LTBP1: variants seen among roughly 807,000 people sequenced by gnomAD.
LTBP1 encodes latent-transforming growth factor beta-binding protein 1.
A neutral mutation model predicts 207.6 loss-of-function variants in LTBP1; 129 were observed. The observed-to-expected ratio is 0.62, with a 90% CI of 0.54 to 0.72. The LOEUF is 0.72. Among genes scored for constraint, LTBP1 ranks in the 30% least tolerant of loss-of-function variants. The pLI is 0.00. For synonymous variants in LTBP1, 963 were observed against 833.7 expected, an observed-to-expected ratio of 1.16 and a Z score of -2.67; for missense variants, 2,281 against 2,217.2, an observed-to-expected ratio of 1.03 and a Z score of -0.58.
Position 33,275,001 on chromosome 2 carries a change from C to A in LTBP1, c.2780C>A (p.Ser927Tyr). The change falls in exon 17 of 34, where the codon TCC becomes TAC. Residue 927 changes from serine (S) to tyrosine (Y), a missense_variant. Coordinates refer to ENST00000404816, the MANE Select transcript of LTBP1 (RefSeq NM_206943.4). ...TGTACTCAGGTCCAACACCTCTGCT[C>A]CCAGGGCCGCTGTGAAAACACCGAG... ...DECTQVQHLC[S>Y]QGRCENTEGS... The A allele has an allele frequency of 6.2e-7, 1 of 1,614,074 alleles. No individual in the cohort carries two copies. Among genetic ancestry groups the A allele is most frequent in the Non-Finnish European group, 8.5e-7 (1 of 1,179,970 alleles).
At chr2:33,235,345 A>G (rs757085083) in intron 9 of LTBP1, among the ~76,000 whole-genome samples, 2 of 152,222 alleles carry the variant, frequency 1.3e-5, no homozygotes, top group African/African-American at 4.8e-5. Flanking sequence ...CAAAACCACA[A>G]TGAGATACCA....
At chr2:33,166,177 A>G (rs1174898887) in intron 5 of LTBP1, among the ~76,000 whole-genome samples, 1 of 151,680 alleles carries the variant, frequency 6.6e-6, no homozygotes, top group South Asian at 2.1e-4. Context: ...AAGTGATTGT[A>G]TTTTGTAAAA....
At chr2:33,091,970 C>G (rs1351566582) in intron 3 of LTBP1, among the ~76,000 whole-genome samples, 1 of 152,176 alleles carries the variant, frequency 6.6e-6, no homozygotes, top group East Asian at 1.9e-4. Context: ...AGAGCACTGG[C>G]CAGGCGTGGG....
intron 20 of LTBP1, 84 bp downstream of exon 20, chr2:33,293,366 C>G (rs1282027243): frequency 7.4e-7 from 1 of 1,345,124 alleles, no homozygotes; most frequent in East Asian, 2.6e-5. Context: ...AAAAGGGAAC[C>G]CTGCTACCTG....
chr2:33,282,582 T>C (rs1484862281), intron 19 of LTBP1, among the ~76,000 whole-genome samples: 4 of 152,226 alleles, frequency 2.6e-5, no homozygotes, highest in Non-Finnish European at 5.9e-5. Flanking sequence ...CTGACCATGT[T>C]AATGACTGCC....
At chr2:33,360,558 T>A (rs375423880) in intron 26 of LTBP1, 39 bp from the exon 27 acceptor site, 1 of 1,362,676 alleles carries the variant, frequency 7.3e-7, no homozygotes, top group Non-Finnish European at 1.0e-6. Context: ...GTAGTTCTGA[T>A]GTGTCCTATT....
chr2:33,377,625 G>T (rs959236238), intron 31 of LTBP1, among the ~76,000 whole-genome samples: 18 of 152,188 alleles, frequency 1.2e-4, no homozygotes, highest in African/African-American at 4.3e-4. Flanking sequence ...TAGTTTGAGC[G>T]AAAGGAGAGA....
intron 9 of LTBP1, among the ~76,000 whole-genome samples, chr2:33,228,696 C>T (rs7581258): frequency 0.45 from 51,731 of 115,480 alleles, 11,820 homozygotes; most frequent in Non-Finnish European, 0.51. Context: ...AGGGTTATAC[C>T]CTTTTTTTTT....
intron 5 of LTBP1, among the ~76,000 whole-genome samples, chr2:33,150,704 C>CTTTTTTTTTTTTTTT (rs1211013076): frequency 9.2e-6 from 1 of 108,842 alleles, no homozygotes; most frequent in African/African-American, 3.5e-5. Flanking sequence ...TTTCTTTTTT[C>CTTTTTTTTTTTTTTT]TTTTTCTTTT....
At chr2:33,121,274 A>G (rs575055531) in intron 4 of LTBP1, among the ~76,000 whole-genome samples, 14 of 142,752 alleles carry the variant, frequency 9.8e-5, no homozygotes, top group African/African-American at 3.4e-4. Flanking sequence ...CCAAGGTTCT[A>G]GCTTTTTTTC....
intron 5 of LTBP1, among the ~76,000 whole-genome samples, chr2:33,147,023 G>A (rs1232799908): frequency 6.6e-6 from 1 of 152,202 alleles, no homozygotes; most frequent in Non-Finnish European, 1.5e-5. Flanking sequence ...ATTCACCTGT[G>A]TAAAAATGTT....
intron 3 of LTBP1, among the ~76,000 whole-genome samples, chr2:33,090,263 T>C (rs768266899): frequency 1.3e-5 from 2 of 152,248 alleles, no homozygotes; most frequent in Non-Finnish European, 2.9e-5. Context: ...GTGTTTATTA[T>C]CATTGGCTTG....
At chr2:33,356,533 G>A (rs534153265) in intron 26 of LTBP1, among the ~76,000 whole-genome samples, 66 of 152,150 alleles carry the variant, frequency 4.3e-4, no homozygotes, top group Middle Eastern at 6.8e-3. Context: ...CAAAAAATTC[G>A]CCGGGCATGG....
At chr2:33,183,991 TC>T (rs966061574) in intron 5 of LTBP1, among the ~76,000 whole-genome samples, 1 of 152,108 alleles carries the variant, frequency 6.6e-6, no homozygotes, top group Non-Finnish European at 1.5e-5. Flanking sequence ...CTCCACTTTC[TC>T]CCCTCTTCCT....
chr2:33,289,933 G>C (rs926747507), intron 19 of LTBP1, among the ~76,000 whole-genome samples: 1 of 152,152 alleles, frequency 6.6e-6, no homozygotes, highest in African/African-American at 2.4e-5. Flanking sequence ...AACCCATTTT[G>C]TGTTGCTGTA....
intron 29 of LTBP1, 30 bp downstream of exon 29, chr2:33,363,548 A>T: frequency 6.3e-7 from 1 of 1,590,490 alleles, no homozygotes; most frequent in Non-Finnish European, 8.6e-7. Flanking sequence ...AGTATGGTGT[A>T]CTGTGAAAAT....
intron 3 of LTBP1, among the ~76,000 whole-genome samples, chr2:33,096,572 C>T (rs567513541): frequency 1.7e-4 from 26 of 152,136 alleles, no homozygotes; most frequent in Admixed American, 3.3e-4. Context: ...TCATTGGTGG[C>T]AATTTTAATG....
At chr2:33,282,744 A>G (rs930315238) in intron 19 of LTBP1, among the ~76,000 whole-genome samples, 1 of 152,118 alleles carries the variant, frequency 6.6e-6, no homozygotes, top group Non-Finnish European at 1.5e-5. Flanking sequence ...TGTGCCAGGT[A>G]TTTTTCCAGA....
intron 17 of LTBP1, 39 bp from the exon 18 acceptor site, chr2:33,275,762 T>G: frequency 6.2e-7 from 1 of 1,613,084 alleles, no homozygotes; most frequent in Non-Finnish European, 8.5e-7. Context: ...AAACAGTATT[T>G]GGAACACAAA....
Sources: allele counts gnomAD v4.1 joint callset (sites outside exome capture counted in the v4.1 genomes callset), GRCh38; gene constraint gnomAD v4.1.1; transcripts MANE v1.5; gene names NCBI Gene and HGNC (gene_info 2026-07-23, HGNC 2026-07-21).